The following NEMF variants were observed in gnomAD, a reference collection of about 807,000 sequenced individuals.
NEMF encodes the protein nuclear export mediator factor.
In NEMF, 89 loss-of-function variants were observed where a neutral mutation model predicts 162.2. That is an observed-to-expected ratio of 0.55 (90% CI 0.46 to 0.65). NEMF has a LOEUF of 0.65. Ranked by LOEUF, NEMF falls within the 30% of genes least tolerant of loss-of-function variation. The pLI is 0.00. For missense variants in NEMF, 1,133 were observed against 1,261.9 expected, an observed-to-expected ratio of 0.90 and a Z score of 1.55; for synonymous variants, 421 against 404.5, an observed-to-expected ratio of 1.04 and a Z score of -0.49.
rs1230199540 is a variant in NEMF at position 49,806,130 on chromosome 14, T to A, written c.1748A>T (p.Glu583Val). The A allele has an allele frequency of 1.9e-6, 3 of 1,607,312 alleles. No individual in the cohort carries two copies. The highest frequency in any genetic ancestry group is 2.5e-6 in the Non-Finnish European group (3 of 1,177,104). Residue 583 changes from glutamate (E) to valine (V), a missense_variant, in exon 19 of 33, where the codon GAA (glutamate) becomes GTA (valine). Glu to Val is a moderately radical substitution (Grantham distance 121, BLOSUM62 -2). Coordinates refer to ENST00000298310, the MANE Select transcript of NEMF (RefSeq NM_004713.6). ...AGTCAAGGTCCGTGGGGGGATGGGT[T>A]CTCCTAGAATAACAATGCATAATGT... The part of the protein sequence containing the change: ...TSCVIKNPTG[E>V]PIPPRTLTEA...
In NEMF at chr14:49,851,787, A is replaced by T; in HGVS notation, c.128+20T>A. The T allele has an allele frequency of 6.7e-7, 1 of 1,487,054 alleles. No individual in the cohort carries two copies. Among genetic ancestry groups the T allele is most frequent in the Non-Finnish European group, 9.3e-7 (1 of 1,076,706 alleles). 92.1% of individuals were successfully genotyped at this position (1,487,054 alleles called of 1,614,324 possible). A position where few individuals can be genotyped will look rare whatever the true frequency, so the allele number is the denominator to read the frequency against. On this transcript the variant is annotated intron_variant, in intron 2 of 32. Coordinates refer to ENST00000298310, the MANE Select transcript of NEMF (RefSeq NM_004713.6). ...ATACTTAATTGTCAAAGAGAAAATAAGCCTATAAAATGTTCTTACTTTTGA... is the reference window on the plus strand; with the variant it reads ...ATACTTAATTGTCAAAGAGAAAATATGCCTATAAAATGTTCTTACTTTTGA...
chr14:49,838,232 T>C (rs1253488364), intron 5 of NEMF, 26 bp from the exon 6 acceptor site: 2 of 1,602,174 alleles, frequency 1.2e-6, no homozygotes, highest in Non-Finnish European at 1.7e-6. Flanking sequence ...GACATGCCTC[T>C]ATCATATCTT....
chr14:49,803,285 T>C lies in NEMF; in HGVS notation c.1867A>G (p.Thr623Ala), dbSNP rs1170633421. 1.2e-6 allele frequency: 2 copies of C among 1,605,906 alleles called. No homozygotes were observed. Among genetic ancestry groups the C allele is most frequent in the South Asian group, 2.2e-5 (2 of 90,872 alleles). The change falls in exon 20 of 33, where the codon ACA (threonine) becomes GCA (alanine). Residue 623 changes from threonine (T) to alanine (A), a missense_variant. By Grantham distance (58) the Thr-to-Ala change is moderately conservative. Transcript: ENST00000298310. ...GTCAAATATTCTCCAGTTGGTGCTG[T>C]TTTAGATACCTGAAGAACACAATAA... is the stretch of plus-strand genomic sequence containing the variant. ...WWVYHHQVSK[T>A]APTGEYLTTG...
chr14:49,852,750 T>C lies in NEMF; in HGVS notation c.4A>G (p.Lys2Glu), dbSNP rs781720883. The C allele has an allele frequency of 3.1e-6, 5 of 1,614,204 alleles. No homozygotes were observed. Among genetic ancestry groups the C allele is most frequent in the Non-Finnish European group, 4.2e-6 (5 of 1,180,026 alleles). Residue 2 changes from lysine (K) to glutamate (E), a missense_variant, in exon 1 of 33, where the codon AAG becomes GAG. By Grantham distance (56) the Lys-to-Glu change is moderately conservative. Around this residue, in one of 3 missense-constraint regions of NEMF, gnomAD observed 582 missense variants for 631.5 expected, o/e 0.92. Transcript: ENST00000298310. ...AGGTCAATGGTGCTAAAGCGGCTCT[T>C]CATGGCGAGGCCCGAGGGTCACTAC... is the stretch of plus-strand genomic sequence containing the variant. Reference protein sequence around the residue: MKSRFSTIDLRA... With the variant: MESRFSTIDLRA...
chr14:49,831,413 C>T (rs769418511), intron 10 of NEMF, 52 bp from the exon 11 acceptor site: 2 of 1,012,188 alleles, frequency 2.0e-6, no homozygotes, highest in South Asian at 1.3e-5. Context: ...GTCTCTACTT[C>T]AACTTGCATA....
intron 19 of NEMF, among the ~76,000 whole-genome samples, chr14:49,805,150 T>G (rs1482040150): frequency 6.6e-6 from 1 of 152,196 alleles, no homozygotes. Flanking sequence ...TAGCAATTTA[T>G]AATCCCCCTA....
At chr14:49,832,603 G>T (rs1308729740) in intron 8 of NEMF, among the ~76,000 whole-genome samples, 1 of 152,154 alleles carries the variant, frequency 6.6e-6, no homozygotes, top group Non-Finnish European at 1.5e-5. Flanking sequence ...AAAGTGCTGA[G>T]ATCACAGGTG....
At chr14:49,805,985 T>A (rs370582300) in intron 19 of NEMF, 36 bp downstream of exon 19, 18 of 1,464,380 alleles carry the variant, frequency 1.2e-5, no homozygotes, top group Non-Finnish European at 1.6e-5. Context: ...CAGTAGCTCT[T>A]AGTAAATTAA....
rs765718382 is a variant in NEMF at position 49,782,973 on chromosome 14, A to G, written c.*1663T>C. The G allele has an allele frequency of 7.5e-6, 12 of 1,607,730 alleles. No individual in the cohort carries two copies. The highest frequency in any genetic ancestry group is 1.3e-5 in the African/African-American group (1 of 74,700). Reference sequence around the variant, plus strand: ...TCTTAAGGCTTCATAAATAATGCCTATGATCACCTTGCATGGACAGCAATC... The same window carrying G: ...TCTTAAGGCTTCATAAATAATGCCTGTGATCACCTTGCATGGACAGCAATC... On this transcript the variant is annotated 3_prime_UTR_variant, in exon 33 of 33. Transcript: ENST00000298310.
rs756711376 is a variant in NEMF at position 49,808,546 on chromosome 14, T to C, written c.1745-2413A>G. 2.6e-5 allele frequency among the ~76,000 whole-genome samples: 4 copies of C among 152,272 alleles called. No homozygotes were observed. The East Asian group carries it at 7.7e-4, about 29-fold the overall frequency. ...GATTACTTATGATTTTGGTATCATA[T>C]CTAAGAAATTACTGCATGATACAAG... On this transcript the variant is annotated intron_variant, in intron 18 of 32. Transcript: ENST00000298310.
chr14:49,816,792 T>C (rs145796224), intron 16 of NEMF, among the ~76,000 whole-genome samples: 1 of 152,092 alleles, frequency 6.6e-6, no homozygotes, highest in Non-Finnish European at 1.5e-5. Context: ...CCCCTACTGA[T>C]AGTAAAGAGG....
At chr14:49,791,500 A>G (rs1374031747) in intron 26 of NEMF, among the ~76,000 whole-genome samples, 1 of 149,334 alleles carries the variant, frequency 6.7e-6, no homozygotes, top group South Asian at 2.1e-4. Context: ...GCACTTTGGG[A>G]GGCCGAGGCA....
At chr14:49,795,997 T>C (rs1890676574) in intron 25 of NEMF, 53 bp from the exon 26 acceptor site, 3 of 1,479,728 alleles carry the variant, frequency 2.0e-6, no homozygotes, top group Non-Finnish European at 2.8e-6. Context: ...AAATTCTTAG[T>C]GCCCTAAAAA....
At chr14:49,792,478 C>G (rs1171898163) in intron 26 of NEMF, among the ~76,000 whole-genome samples, 1 of 152,162 alleles carries the variant, frequency 6.6e-6, no homozygotes, top group Non-Finnish European at 1.5e-5. Context: ...TCCCAAAGTG[C>G]TGGGATTACA....
At chr14:49,806,495 C>T (rs1594750890) in intron 18 of NEMF, among the ~76,000 whole-genome samples, 1 of 150,450 alleles carries the variant, frequency 6.6e-6, no homozygotes, top group East Asian at 2.0e-4. Context: ...CTCCTGACCT[C>T]ATGATCCACC....
In NEMF at chr14:49,782,378, A is replaced by G. The variant is rs1889945897; in HGVS notation, c.*2258T>C. On this transcript the variant is annotated 3_prime_UTR_variant, in exon 33 of 33. Coordinates refer to ENST00000298310, the MANE Select transcript of NEMF (RefSeq NM_004713.6). Reference sequence around the variant, plus strand: ...TTTTGTTTTAAATGCAGGTTATGGCACACAGCTTGTGCCAGCGATGAAGGA... The same window carrying G: ...TTTTGTTTTAAATGCAGGTTATGGCGCACAGCTTGTGCCAGCGATGAAGGA... The G allele has an allele frequency of 6.2e-7, 1 of 1,610,440 alleles. No individual in the cohort carries two copies. The highest frequency in any genetic ancestry group is 1.3e-5 in the African/African-American group (1 of 74,800).
Position 49,782,789 on chromosome 14 carries a change from G to A in NEMF, c.*1847C>T. On this transcript the variant is annotated 3_prime_UTR_variant, in exon 33 of 33. Coordinates refer to ENST00000298310, the MANE Select transcript of NEMF (RefSeq NM_004713.6). Reference sequence around the variant, plus strand: ...TTTCAAGTGAATGTACTTCCAAACAGTAAAGTGAAATTACTTTTCTCTTTC... The same window carrying A: ...TTTCAAGTGAATGTACTTCCAAACAATAAAGTGAAATTACTTTTCTCTTTC... 2 of 1,595,698 alleles carry A rather than the reference G, an allele frequency of 1.3e-6. No individual in the cohort carries two copies. Among genetic ancestry groups the A allele is most frequent in the Non-Finnish European group, 1.7e-6 (2 of 1,172,852 alleles).
chr14:49,842,295 G>A lies in NEMF; in HGVS notation c.358-1429C>T, dbSNP rs185908803. ...ATAATGTTAGGTAAAACATAGCAAA[G>A]ACACACAAAAAAGTTATATCCTAGA... On this transcript the variant is annotated intron_variant, in intron 4 of 32. Coordinates refer to ENST00000298310, the MANE Select transcript of NEMF (RefSeq NM_004713.6). Among the ~76,000 whole-genome samples the A allele has an allele frequency of 3.3e-3, 505 of 152,136 alleles. 3 individuals carry two copies. Among genetic ancestry groups the A allele is most frequent in the African/African-American group, 0.012 (486 of 41,534 alleles).
At chr14:49,845,943 C>T (rs1893478726) in intron 4 of NEMF, 197 bp downstream of exon 4, 3 of 558,878 alleles carry the variant, frequency 5.4e-6, no homozygotes, top group Admixed American at 6.6e-5. Flanking sequence ...TGGCTAAAGT[C>T]TGCCTAAACT....
Sources: allele counts gnomAD v4.1 joint callset (sites outside exome capture counted in the v4.1 genomes callset), GRCh38; gene constraint gnomAD v4.1.1; regional missense constraint gnomAD v4.1.1; transcripts MANE v1.5; gene names NCBI Gene and HGNC (gene_info 2026-07-23, HGNC 2026-07-21).